PAK3: variants seen among roughly 807,000 people sequenced by gnomAD.
PAK3 encodes p21 (RAC1) activated kinase 3.
Under a neutral mutation model 41.0 loss-of-function variants are expected in PAK3, and 4 were observed. The observed-to-expected ratio is 0.10, with a 90% CI of 0.05 to 0.22. PAK3 has a LOEUF of 0.22. Ranked by LOEUF, PAK3 falls within the 10% of genes least tolerant of loss-of-function variation. PAK3 has a pLI of 1.00. For synonymous variants in PAK3, 146 were observed against 139.6 expected (o/e 1.05, Z -0.32); for missense variants, 205 against 409.9 (o/e 0.50, Z 4.32).
At chrX:111,032,858 C>T (rs759410179) in intron 1 of PAK3, among the ~76,000 whole-genome samples, 1 of 110,886 alleles carries the variant, frequency 9.0e-6, no homozygotes, top group Admixed American at 9.6e-5. Flanking sequence ...TTGTCCTCTT[C>T]TTAAAGGGCT....
intron 16 of PAK3, among the ~76,000 whole-genome samples, chrX:111,197,711 G>A (rs984258347): frequency 1.8e-5 from 2 of 109,595 alleles, no homozygotes; most frequent in Non-Finnish European, 3.8e-5. Flanking sequence ...TTTTTTTTGA[G>A]ACAGAGTCTT....
intron 1 of PAK3, among the ~76,000 whole-genome samples, chrX:111,030,051 C>T (rs7888150): frequency 0.032 from 3,552 of 111,799 alleles, 132 homozygotes; most frequent in African/African-American, 0.11. Flanking sequence ...ATTACATCTG[C>T]TTACATTTCT....
intron 1 of PAK3, among the ~76,000 whole-genome samples, chrX:111,019,711 AG>A (rs1468444303): frequency 1.5e-4 from 4 of 25,933 alleles, no homozygotes; most frequent in Non-Finnish European, 3.0e-4. Flanking sequence ...AAAGAAAGAA[AG>A]AAAAGAAAAA....
chrX:111,035,999 C>A (rs1327192606), intron 1 of PAK3, among the ~76,000 whole-genome samples: 1 of 112,328 alleles, frequency 8.9e-6, no homozygotes, highest in African/African-American at 3.2e-5. Context: ...GAGACTGATG[C>A]CAAAGCCCAT....
chrX:111,014,580 A>G (rs780208443), intron 1 of PAK3, among the ~76,000 whole-genome samples: 1 of 111,101 alleles, frequency 9.0e-6, no homozygotes, highest in East Asian at 2.9e-4. Flanking sequence ...ACCTGGCCCT[A>G]AACTGCCTCT....
intron 10 of PAK3, among the ~76,000 whole-genome samples, chrX:111,171,358 G>A (rs901841404): frequency 2.7e-5 from 3 of 110,738 alleles, no homozygotes; most frequent in Non-Finnish European, 3.8e-5. Context: ...CAGAAAGAAA[G>A]GTGGGCCAGA....
rs2094835133 is a variant in PAK3 at position 111,212,718 on chromosome X, GA to G, written c.1408-3700del. 2.7e-5 allele frequency among the ~76,000 whole-genome samples: 3 copies of G among 112,347 alleles called. No individual in the cohort carries two copies. The South Asian group carries it at 1.1e-3, about 42-fold the overall frequency. Reference sequence around the variant, plus strand: ...AGGTTTAATCCTAGGAAGACAAAGAGAAATAGATGGGGATTTTTGTGTAAAT... The same window carrying G: ...AGGTTTAATCCTAGGAAGACAAAGAGAATAGATGGGGATTTTTGTGTAAAT... On this transcript the variant is annotated intron_variant, in intron 16 of 17. Coordinates refer to ENST00000372007, the MANE Select transcript of PAK3 (RefSeq NM_002578.5).
At chrX:111,074,957 C>T (rs753839672) in intron 1 of PAK3, among the ~76,000 whole-genome samples, 1 of 111,716 alleles carries the variant, frequency 9.0e-6, no homozygotes, top group South Asian at 3.8e-4. Flanking sequence ...AGAGTGATGA[C>T]TTTGGGTATC....
At chrX:111,008,228 G>T (rs766319576) in intron 1 of PAK3, among the ~76,000 whole-genome samples, 1 of 112,261 alleles carries the variant, frequency 8.9e-6, no homozygotes, top group African/African-American at 3.2e-5. Context: ...CCTCAGTTCC[G>T]TTACTCTTAA....
Position 111,194,548 on chromosome X carries a change from G to A in PAK3, c.1110+130G>A, listed in dbSNP as rs951270614. ...TTTTCCACTGAAAACAATTGGAGAG[G>A]CCAACTTCAATTTAAATTCTGTCCT... On this transcript the variant is annotated intron_variant, in intron 14 of 17. Transcript: ENST00000372007. 118 of 543,364 alleles carry A rather than the reference G, an allele frequency of 2.2e-4. No homozygotes were observed. In the African/African-American group the frequency reaches 2.6e-3, roughly 12 times the overall value. 44.8% of individuals were successfully genotyped at this position (543,364 alleles called of 1,213,427 possible).
upstream of PAK3, among the ~76,000 whole-genome samples, chrX:111,096,039 T>C (rs760152526): frequency 9.0e-6 from 1 of 111,556 alleles, no homozygotes; most frequent in Non-Finnish European, 1.9e-5. Flanking sequence ...TCCCAGGCGC[T>C]TCCTGCCTGG....
At chrX:111,150,913 C>T (rs753109933) in intron 7 of PAK3, among the ~76,000 whole-genome samples, 11 of 111,828 alleles carry the variant, frequency 9.8e-5, no homozygotes, top group Admixed American at 7.6e-4. Flanking sequence ...CTTACCTCTT[C>T]GCACTGGATT....
chrX:111,020,541 C>A (rs182956440), intron 1 of PAK3, among the ~76,000 whole-genome samples: 138 of 111,435 alleles, frequency 1.2e-3, no homozygotes, highest in African/African-American at 4.2e-3. Flanking sequence ...GGAGGCAGGA[C>A]TAGCTTGCAG....
At chrX:111,137,464 T>C (rs894243058) in intron 5 of PAK3, among the ~76,000 whole-genome samples, 4 of 111,259 alleles carry the variant, frequency 3.6e-5, no homozygotes, top group Non-Finnish European at 7.5e-5. Context: ...TCTCTCTTTT[T>C]TTTTAAGTTC....
At chrX:111,164,777 GAA>G (rs773201781) in intron 10 of PAK3, among the ~76,000 whole-genome samples, 13 of 112,072 alleles carry the variant, frequency 1.2e-4, no homozygotes, top group Non-Finnish European at 1.9e-4. Flanking sequence ...ACAATAGAAT[GAA>G]ACTTTCCTGT....
chrX:111,051,762 G>C (rs1011324801), intron 1 of PAK3, among the ~76,000 whole-genome samples: 16 of 111,302 alleles, frequency 1.4e-4, no homozygotes, highest in African/African-American at 4.9e-4. Flanking sequence ...TAAGTAAAGA[G>C]GGCAATGGAA....
intron 16 of PAK3, among the ~76,000 whole-genome samples, chrX:111,212,046 G>A (rs2094827209): frequency 8.9e-6 from 1 of 112,083 alleles, no homozygotes; most frequent in African/African-American, 3.2e-5. Flanking sequence ...TCTAAAGGTT[G>A]CATTAATAGA....
At chrX:111,157,439 G>A (rs2149162613) in intron 8 of PAK3, among the ~76,000 whole-genome samples, 1 of 111,482 alleles carries the variant, frequency 9.0e-6, no homozygotes, top group Non-Finnish European at 1.9e-5. Flanking sequence ...GTGTCTACCT[G>A]TACCTTTCCG....
intron 1 of PAK3, among the ~76,000 whole-genome samples, chrX:111,003,869 G>T (rs1412067354): frequency 8.9e-6 from 1 of 112,315 alleles, no homozygotes; most frequent in Non-Finnish European, 1.9e-5. Context: ...GACACATTCT[G>T]CAACGAGACT....
Sources: gnomAD v4.1 joint callset for allele counts (sites outside exome capture counted in the v4.1 genomes callset) on GRCh38, gnomAD v4.1.1 for gene constraint, MANE v1.5 for transcripts, NCBI Gene and HGNC (gene_info 2026-07-23, HGNC 2026-07-21) for gene names.